PODXL2: variants seen among roughly 807,000 people sequenced by gnomAD.
PODXL2 encodes podocalyxin like 2, also known as podocalyxin-like protein 2.
A neutral mutation model predicts 53.4 loss-of-function variants in PODXL2; 17 were observed. The observed-to-expected ratio is 0.32, with a 90% CI of 0.22 to 0.48. The LOEUF (loss-of-function observed/expected upper bound fraction) is 0.48, where lower values mean the gene tolerates loss of function less well. Among genes scored for constraint, PODXL2 ranks in the 20% least tolerant of loss-of-function variants. PODXL2 has a pLI of 0.99. For missense variants in PODXL2, 673 were observed against 760.0 expected (o/e 0.89, Z 1.35); for synonymous variants, 311 against 306.7 (o/e 1.01, Z -0.15).
chr3:127,636,536 C>CA (rs2074579483), intron 1 of PODXL2, among the ~76,000 whole-genome samples: 1 of 152,254 alleles, frequency 6.6e-6, no homozygotes, highest in Admixed American at 6.5e-5. Context: ...AAAGAAACCA[C>CA]AAAATATGAG....
rs1461186450 is a variant in PODXL2 at position 127,669,195 on chromosome 3, TGGA to T, written c.1424_1425+1del. ...ATGCTGGGTGACATCCGCAGGAGCC[TGGA>T]GGAGGTAAGAGTGCAGGGACCTGGA... is the stretch of plus-strand genomic sequence containing the variant. On this transcript the variant is annotated inframe_deletion, in exon 6 of 8. Transcript: ENST00000342480. 1.2e-6 allele frequency: 2 copies of T among 1,606,112 alleles called. No individual in the cohort carries two copies. The highest frequency in any genetic ancestry group is 1.7e-6 in the Non-Finnish European group (2 of 1,176,356).
Position 127,672,573 on chromosome 3 carries a change from AC to A in PODXL2, c.*96del. 1 of 814,332 alleles carries A rather than the reference AC, an allele frequency of 1.2e-6. No individual in the cohort carries two copies. Among genetic ancestry groups the A allele is most frequent in the Non-Finnish European group, 1.8e-6 (1 of 567,734 alleles). 50.4% of individuals were successfully genotyped at this position (814,332 alleles called of 1,614,324 possible). On this transcript the variant is annotated 3_prime_UTR_variant, in exon 8 of 8. Transcript: ENST00000342480. ...CGGAGCCCGCACCAGCCCCGCGCCT[AC>A]CCGGGCCGCCCCCGCGGCCTGGCCC...
intron 1 of PODXL2, among the ~76,000 whole-genome samples, chr3:127,635,242 C>T (rs1365258126): frequency 1.3e-5 from 2 of 152,222 alleles, no homozygotes; most frequent in Admixed American, 6.5e-5. Flanking sequence ...TGAGATCTCT[C>T]TCCCTGCCCT....
intron 4 of PODXL2, among the ~76,000 whole-genome samples, chr3:127,667,272 T>C (rs2074799404): frequency 6.6e-6 from 1 of 152,248 alleles, no homozygotes; most frequent in Non-Finnish European, 1.5e-5. Context: ...GAACAGCTCA[T>C]TAGCCTGGGC....
At chr3:127,643,130 A>T (rs1252178017) in intron 2 of PODXL2, among the ~76,000 whole-genome samples, 1 of 152,188 alleles carries the variant, frequency 6.6e-6, no homozygotes, top group East Asian at 1.9e-4. Flanking sequence ...TACGTAGAAA[A>T]CATTTTTCCA....
chr3:127,629,331 G>T lies in PODXL2; in HGVS notation c.70+42G>T. 9.9e-7 allele frequency: 1 copy of T among 1,011,708 alleles called. No homozygotes were observed. Among genetic ancestry groups the T allele is most frequent in the East Asian group, 9.5e-5 (1 of 10,548 alleles). 62.7% of individuals were successfully genotyped at this position (1,011,708 alleles called of 1,614,324 possible). A position where few individuals can be genotyped will look rare whatever the true frequency, so the allele number is the denominator to read the frequency against. On this transcript the variant is annotated intron_variant, in intron 1 of 7. Transcript: ENST00000342480. The surrounding 1 kb of genome is among the most constrained non-coding windows in gnomAD (Gnocchi z 6.4). ...CCCGAGCGCGGGAGGGCGGGCGGCG[G>T]CGTGGGCGCGGTGCTGGACAGCTCC...
chr3:127,632,383 T>C (rs2074552833), intron 1 of PODXL2, among the ~76,000 whole-genome samples: 1 of 152,118 alleles, frequency 6.6e-6, no homozygotes, highest in Admixed American at 6.5e-5. Context: ...TTGTAGAGAG[T>C]GAATTTCAAA....
At chr3:127,649,681 A>G (rs1157925410) in intron 2 of PODXL2, among the ~76,000 whole-genome samples, 1 of 152,244 alleles carries the variant, frequency 6.6e-6, no homozygotes, top group Non-Finnish European at 1.5e-5. Context: ...TTACGCCTGT[A>G]ATTCCAGCAC....
chr3:127,672,171 C>CG, intron 7 of PODXL2, 97 bp from the exon 8 acceptor site: 1 of 904,050 alleles, frequency 1.1e-6, no homozygotes, highest in Non-Finnish European at 1.7e-6. Context: ...GAGGGTGCCG[C>CG]GGGAACCCCC....
At chr3:127,644,833 C>G (rs1051151977) in intron 2 of PODXL2, among the ~76,000 whole-genome samples, 1 of 151,860 alleles carries the variant, frequency 6.6e-6, no homozygotes, top group African/African-American at 2.4e-5. Context: ...AGGGAGGAGG[C>G]CAGGAGGCAG....
At chr3:127,650,876 G>A (rs1291638688) in intron 2 of PODXL2, among the ~76,000 whole-genome samples, 2 of 152,036 alleles carry the variant, frequency 1.3e-5, no homozygotes, top group Admixed American at 6.5e-5. Flanking sequence ...AGCCAGGATG[G>A]TCTCCATCTC....
intron 2 of PODXL2, among the ~76,000 whole-genome samples, chr3:127,649,554 C>T (rs927225206): frequency 9.2e-5 from 14 of 152,248 alleles, no homozygotes; most frequent in Non-Finnish European, 1.9e-4. Context: ...TGAATGTATA[C>T]ATATACTTGT....
Position 127,639,296 on chromosome 3 carries a change from G to T in PODXL2, c.122G>T (p.Gly41Val), listed in dbSNP as rs373171577. 21 of 1,613,248 alleles carry T rather than the reference G, an allele frequency of 1.3e-5. No homozygotes were observed. The African/African-American group carries it at 2.4e-4, about 18-fold the overall frequency. ...VAGSDEPGPE[G>V]LTSTSLLDLL... The stretch of plus-strand genomic sequence containing the variant: ...GGGTCTGATGAGCCTGGCCCAGAGG[G>T]CCTCACCTCCACCTCCCTGCTAGAC... Residue 41 changes from glycine (G) to valine (V), a missense_variant, in exon 2 of 8, where the codon GGC (glycine) becomes GTC (valine). By Grantham distance (109) the Gly-to-Val change is moderately radical. This residue lies in a region of PODXL2 where 588 missense variants were observed against 668.3 expected (regional missense o/e 0.88). Transcript: ENST00000342480.
intron 4 of PODXL2, among the ~76,000 whole-genome samples, chr3:127,665,429 GAAAGTGATGC>G (rs2074790831): frequency 6.6e-6 from 1 of 152,220 alleles, no homozygotes; most frequent in Non-Finnish European, 1.5e-5. Flanking sequence ...AAGATCTAGA[GAAAGTGATGC>G]AGGCTCAGTG....
intron 1 of PODXL2, among the ~76,000 whole-genome samples, chr3:127,634,601 C>A (rs2074566232): frequency 6.6e-6 from 1 of 151,234 alleles, no homozygotes; most frequent in East Asian, 1.9e-4. Context: ...TGGCAGGTGC[C>A]TGTAATCCCA....
At position 127,672,484 on chromosome 3, in the gene PODXL2, C is replaced by T; in HGVS notation, c.*4C>T. 6.7e-7 allele frequency: 1 copy of T among 1,485,010 alleles called. No individual in the cohort carries two copies. The highest frequency in any genetic ancestry group is 2.6e-5 in the East Asian group (1 of 38,632). 92.0% of individuals were successfully genotyped at this position (1,485,010 alleles called of 1,614,324 possible). A position where few individuals can be genotyped will look rare whatever the true frequency, so the allele number is the denominator to read the frequency against. ...CGAGGAGGACACGCACCTGTGAGCGCAGCCGAGGCGCAGGCCGAGTGGGCC... is the reference window on the plus strand; with the variant it reads ...CGAGGAGGACACGCACCTGTGAGCGTAGCCGAGGCGCAGGCCGAGTGGGCC... On this transcript the variant is annotated 3_prime_UTR_variant, in exon 8 of 8. Transcript: ENST00000342480.
At chr3:127,635,851 G>T (rs2074575251) in intron 1 of PODXL2, among the ~76,000 whole-genome samples, 1 of 152,202 alleles carries the variant, frequency 6.6e-6, no homozygotes, top group Non-Finnish European at 1.5e-5. Flanking sequence ...GGTGGTTCTG[G>T]TCTCAGCTGA....
At chr3:127,650,530 C>T (rs1019587134) in intron 2 of PODXL2, among the ~76,000 whole-genome samples, 9 of 152,320 alleles carry the variant, frequency 5.9e-5, no homozygotes, top group African/African-American at 1.7e-4. Context: ...AACCCCTTTA[C>T]ATTTTGCATC....
Position 127,671,474 on chromosome 3 carries a change from C to T in PODXL2, c.1466C>T (p.Ala489Val), listed in dbSNP as rs2074837164. The part of the protein sequence containing the change: ...QNYSTTSSCQ[A>V]RASQVRSDYG... ...TATTCCACAACCAGCAGCTGCCAGG[C>T]GCGGGCCAGCCAGGTGCGCAGCGAC... Residue 489 changes from alanine (A) to valine (V), a missense_variant, in exon 7 of 8, where the codon GCG (alanine) becomes GTG (valine). Transcript: ENST00000342480. 6.2e-7 allele frequency: 1 copy of T among 1,614,136 alleles called. No homozygotes were observed. The highest frequency in any genetic ancestry group is 1.6e-4 in the Middle Eastern group (1 of 6,062).
Sources: gnomAD v4.1 joint callset for allele counts (sites outside exome capture counted in the v4.1 genomes callset) on GRCh38, gnomAD v4.1.1 for gene constraint, gnomAD v4.1.1 regional missense constraint, Gnocchi (gnomAD v3.1) non-coding constraint, MANE v1.5 for transcripts, NCBI Gene and HGNC (gene_info 2026-07-23, HGNC 2026-07-21) for gene names.